The following FAM107B variants were observed in gnomAD, a reference collection of about 807,000 sequenced individuals.
The protein encoded by FAM107B is protein FAM107B.
Under a neutral mutation model 31.5 loss-of-function variants are expected in FAM107B, and 21 were observed. The ratio of observed to expected loss-of-function variants is 0.67; its 90% CI spans 0.47 to 0.96. The LOEUF is 0.96. Ranked by LOEUF, FAM107B falls within the 40% of genes least tolerant of loss-of-function variation. FAM107B has a pLI of 0.00. For missense variants in FAM107B, 452 were observed against 377.1 expected (o/e 1.20, Z -1.64); for synonymous variants, 157 against 141.5 (o/e 1.11, Z -0.78).
chr10:14,522,136 T>C (rs1195049965), intron 3 of FAM107B, 117 bp from the exon 4 acceptor site: 3 of 1,323,352 alleles, frequency 2.3e-6, no homozygotes, highest in Non-Finnish European at 3.0e-6. Context: ...ATTAGTATGA[T>C]ACCTACTAGG....
chr10:14,567,262 G>A (rs577964547), intron 2 of FAM107B, among the ~76,000 whole-genome samples: 40 of 152,272 alleles, frequency 2.6e-4, no homozygotes, highest in African/African-American at 9.4e-4. Flanking sequence ...ACTATAAACA[G>A]AAAAATGAGA....
intron 2 of FAM107B, among the ~76,000 whole-genome samples, chr10:14,575,164 C>G (rs1467243207): frequency 6.6e-6 from 1 of 151,926 alleles, no homozygotes; most frequent in African/African-American, 2.4e-5. Flanking sequence ...GTAGCTTGTA[C>G]TTCCCTGTAC....
intron 2 of FAM107B, among the ~76,000 whole-genome samples, chr10:14,559,967 C>T (rs1850095502): frequency 6.6e-6 from 1 of 152,140 alleles, no homozygotes. Context: ...CAACCTCCTC[C>T]TAATTCTTTC....
intron 1 of FAM107B, among the ~76,000 whole-genome samples, chr10:14,714,232 C>T (rs1855727764): frequency 6.6e-6 from 1 of 152,154 alleles, no homozygotes; most frequent in African/African-American, 2.4e-5. Flanking sequence ...TCTTATACAG[C>T]CTCATCCAAC....
intron 2 of FAM107B, among the ~76,000 whole-genome samples, chr10:14,563,671 G>C (rs1850427188): frequency 6.6e-6 from 1 of 152,192 alleles, no homozygotes; most frequent in Admixed American, 6.5e-5. Flanking sequence ...GTGGTATCAA[G>C]GAAGAATGTC....
intron 2 of FAM107B, among the ~76,000 whole-genome samples, chr10:14,563,385 C>A (rs1015709324): frequency 2.0e-5 from 3 of 152,234 alleles, no homozygotes; most frequent in Admixed American, 2.0e-4. Flanking sequence ...TCAACTAATA[C>A]AATACACACC....
At chr10:14,707,104 C>T (rs1012855605) in intron 1 of FAM107B, among the ~76,000 whole-genome samples, 11 of 151,384 alleles carry the variant, frequency 7.3e-5, no homozygotes, top group Non-Finnish European at 1.3e-4. Flanking sequence ...CCAGCCTGGG[C>T]GACAGAGCAA....
chr10:14,571,813 G>A, intron 2 of FAM107B: 11 of 985,402 alleles, frequency 1.1e-5, no homozygotes, highest in Non-Finnish European at 1.3e-5. Flanking sequence ...ATTCAAGGTG[G>A]TGAAAAATCA....
At chr10:14,723,807 G>T in intron 1 of FAM107B, 1 of 757,690 alleles carries the variant, frequency 1.3e-6, no homozygotes, top group South Asian at 1.3e-5. Flanking sequence ...GGGCCCTCTG[G>T]CCAGTATACC....
chr10:14,650,369 T>A (rs1481293337), intron 2 of FAM107B, among the ~76,000 whole-genome samples: 1 of 152,176 alleles, frequency 6.6e-6, no homozygotes, highest in Admixed American at 6.5e-5. Context: ...GGCATGATGA[T>A]CTGCCTCCCA....
chr10:14,761,030 A>G (rs575564456), intron 1 of FAM107B, among the ~76,000 whole-genome samples: 11,670 of 149,002 alleles, frequency 0.078, 646 homozygotes, highest in Non-Finnish European at 0.12. Context: ...AAAAAAAAAA[A>G]AAAAAAGAAA....
intron 1 of FAM107B, among the ~76,000 whole-genome samples, chr10:14,673,307 C>A (rs888269010): frequency 6.6e-6 from 1 of 152,188 alleles, no homozygotes; most frequent in Admixed American, 6.5e-5. Flanking sequence ...ACCTTCCCAG[C>A]CTCTGGTAAC....
At chr10:14,571,784 T>C (rs1439461347) in intron 2 of FAM107B, 2 of 985,318 alleles carry the variant, frequency 2.0e-6, no homozygotes, top group Non-Finnish European at 2.4e-6. Context: ...ATTTTCTTGT[T>C]TATGTTTTAA....
chr10:14,552,314 C>T (rs964262809), intron 2 of FAM107B, among the ~76,000 whole-genome samples: 1 of 152,158 alleles, frequency 6.6e-6, no homozygotes, highest in Non-Finnish European at 1.5e-5. Flanking sequence ...GATGGAAATA[C>T]AGCTAAGAAA....
At chr10:14,715,736 T>G (rs1855765047) in intron 1 of FAM107B, among the ~76,000 whole-genome samples, 1 of 152,194 alleles carries the variant, frequency 6.6e-6, no homozygotes, top group Non-Finnish European at 1.5e-5. Context: ...CCCTTGGACA[T>G]CAGCACTCCT....
At chr10:14,695,310 T>C (rs1855239320) in intron 1 of FAM107B, among the ~76,000 whole-genome samples, 1 of 152,182 alleles carries the variant, frequency 6.6e-6, no homozygotes. Flanking sequence ...GTTGACCATA[T>C]GTGTTTGGAT....
At chr10:14,540,124 A>G (rs954667564) in intron 2 of FAM107B, among the ~76,000 whole-genome samples, 6 of 152,206 alleles carry the variant, frequency 3.9e-5, no homozygotes, top group Non-Finnish European at 7.3e-5. Context: ...TTTATCAACC[A>G]AAGAGGTGCA....
At chr10:14,581,548 A>G (rs1851636784) in intron 2 of FAM107B, among the ~76,000 whole-genome samples, 1 of 152,224 alleles carries the variant, frequency 6.6e-6, no homozygotes, top group Non-Finnish European at 1.5e-5. Flanking sequence ...GGATGTTCCC[A>G]GCAGACATCT....
intron 2 of FAM107B, among the ~76,000 whole-genome samples, chr10:14,613,170 C>G (rs183038658): frequency 1.3e-5 from 2 of 152,206 alleles, no homozygotes; most frequent in East Asian, 1.9e-4. Context: ...CAAGGTTTCA[C>G]CACGTTGGCC....
Sources: gnomAD v4.1 joint callset for allele counts (sites outside exome capture counted in the v4.1 genomes callset) on GRCh38, gnomAD v4.1.1 for gene constraint, MANE v1.5 for transcripts, NCBI Gene and HGNC (gene_info 2026-07-23, HGNC 2026-07-21) for gene names.